SOX5: variants seen among roughly 807,000 people sequenced by gnomAD.
The protein encoded by SOX5 is transcription factor SOX-5.
SOX5 carries 9 observed loss-of-function variants against 92.0 expected under a neutral mutation model. The observed-to-expected ratio is 0.10, with a 90% confidence interval of 0.06 to 0.17. The LOEUF (loss-of-function observed/expected upper bound fraction) is 0.17. Ranked by LOEUF, SOX5 falls within the 10% of genes least tolerant of loss-of-function variation. The probability of loss-of-function intolerance (pLI) is 1.00; values close to 1 mark genes in which losing one functional copy is unlikely to be tolerated. For synonymous variants in SOX5, 344 were observed against 336.3 expected (o/e 1.02, Z -0.25); for missense variants, 642 against 944.5 (o/e 0.68, Z 4.20).
chr12:23,702,701 A>G lies in SOX5; in HGVS notation c.810+31983T>C, dbSNP rs368599768. ...TGGTATGAATAAATTAAATACCACCAGTGAGCTAATCTTATGCTGAAGAGA... is the reference window on the plus strand; with the variant it reads ...TGGTATGAATAAATTAAATACCACCGGTGAGCTAATCTTATGCTGAAGAGA... On this transcript the variant is annotated intron_variant, in intron 6 of 14. Transcript: ENST00000451604. Among the ~76,000 whole-genome samples, 120 of 152,148 alleles carry G rather than the reference A, an allele frequency of 7.9e-4. 4 individuals are homozygous for G. The South Asian group carries it at 0.013, about 17-fold the overall frequency.
At position 24,444,873 on chromosome 12, in the gene SOX5, T is replaced by G. The variant is rs74835446; in HGVS notation, c.-250-76234A>C. Among the ~76,000 whole-genome samples the G allele has an allele frequency of 5.3e-5, 8 of 152,332 alleles. No homozygotes were observed. In the East Asian group the frequency reaches 1.5e-3, roughly 29 times the overall value. On this transcript the variant is annotated intron_variant, in intron 1 of 4. Coordinates refer to the SOX5 transcript ENST00000446891. ...CTCTCTATCTGCCCATCCTGCTTCC[T>G]GAGCCTTGCATAAGCTATTGTTCCC...
chr12:24,373,184 A>T (rs1956921019), intron 1 of SOX5, among the ~76,000 whole-genome samples: 1 of 151,992 alleles, frequency 6.6e-6, no homozygotes, highest in Non-Finnish European at 1.5e-5. Flanking sequence ...AAGTATTTGG[A>T]ATGTGGGGAT....
intron 3 of SOX5, among the ~76,000 whole-genome samples, chr12:23,835,226 G>A (rs966502631): frequency 1.1e-4 from 16 of 151,836 alleles, no homozygotes; most frequent in African/African-American, 3.9e-4. Flanking sequence ...TTAAAACTAA[G>A]ATGGTAACAC....
chr12:23,873,446 C>T (rs2096895632), intron 2 of SOX5, among the ~76,000 whole-genome samples: 1 of 152,188 alleles, frequency 6.6e-6, no homozygotes. Context: ...GTACTCCACC[C>T]TGGGTGACAA....
chr12:23,531,380 A>G lies in SOX5; in HGVS notation c.*2839T>C, dbSNP rs1484164102. On this transcript the variant is annotated 3_prime_UTR_variant, in exon 15 of 15. Coordinates refer to ENST00000451604, the MANE Select transcript of SOX5 (RefSeq NM_006940.6). Reference sequence around the variant, plus strand: ...TAACAAAAAAAAGACCAAACACCAAAGTGTTGTCAATTCATCGGTAAGTGT... The same window carrying G: ...TAACAAAAAAAAGACCAAACACCAAGGTGTTGTCAATTCATCGGTAAGTGT... 1 of 152,212 alleles carries G rather than the reference A, an allele frequency of 6.6e-6. No individual in the cohort carries two copies. Among genetic ancestry groups the G allele is most frequent in the East Asian group, 1.9e-4 (1 of 5,200 alleles). 9.4% of individuals were successfully genotyped at this position (152,212 alleles called of 1,614,324 possible).
intron 4 of SOX5, among the ~76,000 whole-genome samples, chr12:24,212,103 C>G (rs1346922429): frequency 6.6e-6 from 1 of 152,172 alleles, no homozygotes; most frequent in Non-Finnish European, 1.5e-5. Flanking sequence ...ATTTTAAATA[C>G]AGCTTTTTGC....
At chr12:24,292,210 A>G (rs1197312449) in intron 2 of SOX5, among the ~76,000 whole-genome samples, 1 of 152,240 alleles carries the variant, frequency 6.6e-6, no homozygotes, top group Non-Finnish European at 1.5e-5. Context: ...ATGGCAGCCC[A>G]GGGTCAGAAT....
At chr12:24,278,410 C>T (rs1212485203) in intron 2 of SOX5, among the ~76,000 whole-genome samples, 1 of 152,026 alleles carries the variant, frequency 6.6e-6, no homozygotes, top group Non-Finnish European at 1.5e-5. Flanking sequence ...GAAAAATTAT[C>T]ATTAAAAACT....
At chr12:24,424,277 T>C (rs778024385) in intron 1 of SOX5, among the ~76,000 whole-genome samples, 6 of 152,198 alleles carry the variant, frequency 3.9e-5, no homozygotes, top group African/African-American at 7.2e-5. Context: ...TGCATAGTAA[T>C]AACCCAATTA....
At chr12:24,516,131 C>A (rs149696505) in intron 1 of SOX5, among the ~76,000 whole-genome samples, 1 of 151,574 alleles carries the variant, frequency 6.6e-6, no homozygotes, top group Non-Finnish European at 1.5e-5. Context: ...CAGCCTCAAC[C>A]TTCCGGGCTA....
At chr12:23,553,364 G>A (rs1944557089) in intron 11 of SOX5, among the ~76,000 whole-genome samples, 2 of 151,792 alleles carry the variant, frequency 1.3e-5, no homozygotes, top group Non-Finnish European at 2.9e-5. Flanking sequence ...CCACAGGGAG[G>A]AAAAAAATCC....
intron 3 of SOX5, among the ~76,000 whole-genome samples, chr12:23,786,122 C>G (rs1419856873): frequency 6.6e-6 from 1 of 151,878 alleles, no homozygotes; most frequent in South Asian, 2.1e-4. Context: ...TTCCATTGCT[C>G]ATCCAATTCT....
rs375058690 is a variant in SOX5 at position 23,740,944 on chromosome 12, C to T, written c.664G>A (p.Glu222Lys). 1 of 1,612,876 alleles carries T rather than the reference C, an allele frequency of 6.2e-7. No individual in the cohort carries two copies. The highest frequency in any genetic ancestry group is 1.3e-5 in the African/African-American group (1 of 74,876). ...LREQLLAAHD[E>K]QKKLAASQIE... Reference sequence around the variant, plus strand: ...TGAGAGGCAGCTAGTTTCTTCTGCTCATCGTGGGCAGCCAACAGCTGCTCT... The same window carrying T: ...TGAGAGGCAGCTAGTTTCTTCTGCTTATCGTGGGCAGCCAACAGCTGCTCT... Residue 222 changes from glutamate (E) to lysine (K), a missense_variant, in exon 5 of 15, where the codon GAG (glutamate) becomes AAG (lysine). Transcript: ENST00000451604.
chr12:24,293,460 A>G (rs1946841293), intron 2 of SOX5, among the ~76,000 whole-genome samples: 1 of 152,204 alleles, frequency 6.6e-6, no homozygotes, highest in Admixed American at 6.5e-5. Flanking sequence ...TATTACAACA[A>G]TTCTTTTAAA....
intron 3 of SOX5, among the ~76,000 whole-genome samples, chr12:24,249,267 G>T (rs192413990): frequency 1.6e-3 from 242 of 152,300 alleles, no homozygotes; most frequent in South Asian, 0.012. Context: ...CCATTTGAAG[G>T]TTCCCCTGTG....
At chr12:24,230,863 C>T (rs1963245185) in intron 3 of SOX5, among the ~76,000 whole-genome samples, 1 of 152,178 alleles carries the variant, frequency 6.6e-6, no homozygotes, top group Non-Finnish European at 1.5e-5. Flanking sequence ...AGCAAAAGCA[C>T]ACAGTCATGA....
intron 1 of SOX5, among the ~76,000 whole-genome samples, chr12:24,473,406 C>T (rs1371140007): frequency 1.1e-4 from 17 of 152,184 alleles, no homozygotes; most frequent in Admixed American, 1.0e-3. Flanking sequence ...GGTGCAAGCC[C>T]ACAGAAGCCA....
At chr12:23,860,562 G>A (rs953000868) in intron 2 of SOX5, among the ~76,000 whole-genome samples, 1 of 152,118 alleles carries the variant, frequency 6.6e-6, no homozygotes, top group African/African-American at 2.4e-5. Context: ...TTTATAGCTT[G>A]AGCATTAGTC....
upstream of SOX5, chr12:23,950,960 A>G: frequency 9.0e-7 from 1 of 1,104,986 alleles, no homozygotes; most frequent in Non-Finnish European, 1.3e-6. Flanking sequence ...GATAGTGTGC[A>G]TTCTTCACAC....
Sources: gnomAD v4.1 joint callset for allele counts (sites outside exome capture counted in the v4.1 genomes callset) on GRCh38, gnomAD v4.1.1 for gene constraint, MANE v1.5 for transcripts, NCBI Gene and HGNC (gene_info 2026-07-23, HGNC 2026-07-21) for gene names.